The following NUP37 variants were observed in gnomAD, a reference collection of about 807,000 sequenced individuals.
NUP37 encodes the protein nucleoporin Nup37.
Under a neutral mutation model 45.4 loss-of-function variants are expected in NUP37, and 33 were observed. That is an observed-to-expected ratio of 0.73 (90% CI 0.55 to 0.97). The LOEUF (loss-of-function observed/expected upper bound fraction) is 0.97. Ranked by LOEUF, NUP37 falls within the 50% of genes least tolerant of loss-of-function variation. NUP37 has a pLI of 0.00. For synonymous variants in NUP37, 127 were observed against 130.7 expected, an observed-to-expected ratio of 0.97 and a Z score of 0.19; for missense variants, 365 against 389.7, an observed-to-expected ratio of 0.94 and a Z score of 0.53.
chr12:102,108,056 C>T (rs1880206102), intron 3 of NUP37, among the ~76,000 whole-genome samples: 1 of 152,248 alleles, frequency 6.6e-6, no homozygotes, highest in South Asian at 2.1e-4. Context: ...TATTAAGTGT[C>T]AACTTGCTTG....
At chr12:102,111,967 T>C (rs1880329388) in intron 3 of NUP37, 141 bp downstream of exon 3, 1 of 710,668 alleles carries the variant, frequency 1.4e-6, no homozygotes, top group East Asian at 2.8e-5. Flanking sequence ...AATTATTAAG[T>C]AGTAGCAAAT....
intron 3 of NUP37, among the ~76,000 whole-genome samples, chr12:102,110,946 A>G (rs1350305947): frequency 1.3e-5 from 2 of 152,248 alleles, no homozygotes; most frequent in African/African-American, 2.4e-5. Flanking sequence ...TTTTCTTAAA[A>G]TGTTAAACAT....
intron 5 of NUP37, among the ~76,000 whole-genome samples, chr12:102,097,583 T>C (rs776233028): frequency 6.6e-6 from 1 of 152,096 alleles, no homozygotes; most frequent in Non-Finnish European, 1.5e-5. Flanking sequence ...AACAAAAACA[T>C]AGACTACTGA....
At chr12:102,091,917 G>A (rs1349760072) in intron 5 of NUP37, among the ~76,000 whole-genome samples, 6 of 152,074 alleles carry the variant, frequency 3.9e-5, no homozygotes, top group Middle Eastern at 3.4e-3. Context: ...ATTTCAGGCC[G>A]AGTGCTTTTC....
chr12:102,104,894 C>T (rs913037162), intron 3 of NUP37, among the ~76,000 whole-genome samples: 3 of 152,144 alleles, frequency 2.0e-5, no homozygotes, highest in Non-Finnish European at 1.5e-5. Flanking sequence ...AGAACTTCAG[C>T]TTTCTCAAGA....
At chr12:102,115,623 C>G (rs542056218) in intron 2 of NUP37, among the ~76,000 whole-genome samples, 2 of 152,296 alleles carry the variant, frequency 1.3e-5, no homozygotes, top group East Asian at 3.9e-4. Flanking sequence ...TACACGACAC[C>G]AGTTAACAGT....
rs911783018 is a variant in NUP37 at position 102,090,236 on chromosome 12, C to CT, written c.450-4381dup. Among the ~76,000 whole-genome samples the CT allele has an allele frequency of 8.3e-3, 1,209 of 145,128 alleles. 10 individuals carry two copies. Among genetic ancestry groups the CT allele is most frequent in the African/African-American group, 0.027 (1,065 of 39,760 alleles). ...ATTTTGTAAGGTACATTTCTCAACT[C>CT]TTTTTTTTTTTGCGTTTTATTTGCA... On this transcript the variant is annotated intron_variant, in intron 5 of 9. Transcript: ENST00000552283.
chr12:102,081,575 T>A (rs1453058046), intron 6 of NUP37, among the ~76,000 whole-genome samples: 1 of 152,236 alleles, frequency 6.6e-6, no homozygotes, highest in Admixed American at 6.5e-5. Flanking sequence ...GGTTTTCTCA[T>A]CTACAAAATA....
At chr12:102,074,507 C>A in intron 9 of NUP37, 40 bp from the exon 10 acceptor site, 2 of 1,137,616 alleles carry the variant, frequency 1.8e-6, no homozygotes, top group Non-Finnish European at 2.5e-6. Context: ...ACAGTAAGTC[C>A]CCAAAATTAA....
At position 102,076,064 on chromosome 12, in the gene NUP37, T is replaced by C. The variant is rs187541878; in HGVS notation, c.773+733A>G. 5.3e-3 allele frequency among the ~76,000 whole-genome samples: 804 copies of C among 152,262 alleles called. 4 individuals carry two copies. The highest frequency in any genetic ancestry group is 8.5e-3 in the Admixed American group (130 of 15,290). On this transcript the variant is annotated intron_variant, in intron 8 of 9. Coordinates refer to ENST00000552283, the MANE Select transcript of NUP37 (RefSeq NM_024057.4). ...TGAGCTGCTCAACAAGCCCTGAGAC[T>C]ACCTCCTCTAGACTTATAAGTACCA... is the stretch of plus-strand genomic sequence containing the variant.
At chr12:102,085,704 G>T in intron 6 of NUP37, 62 bp downstream of exon 6, 1 of 736,486 alleles carries the variant, frequency 1.4e-6, no homozygotes, top group Non-Finnish European at 2.2e-6. Flanking sequence ...CTATGTATGT[G>T]ATGTCTTATA....
intron 3 of NUP37, among the ~76,000 whole-genome samples, chr12:102,106,779 A>G (rs140712736): frequency 3.9e-5 from 6 of 152,324 alleles, no homozygotes; most frequent in East Asian, 1.9e-4. Context: ...AACTGGCCCA[A>G]CTTCCCCACA....
At chr12:102,079,073 C>T in intron 6 of NUP37, 1 of 397,564 alleles carries the variant, frequency 2.5e-6, no homozygotes, top group Non-Finnish European at 5.0e-6. Context: ...AAGCAGTGTT[C>T]TTTTAATTCT....
chr12:102,094,410 T>C (rs996049476), intron 5 of NUP37, among the ~76,000 whole-genome samples: 2 of 152,098 alleles, frequency 1.3e-5, no homozygotes, highest in South Asian at 2.1e-4. Context: ...GAATGGTTCA[T>C]TGGCCTACCT....
At chr12:102,112,315 G>A in intron 2 of NUP37, 83 bp from the exon 3 acceptor site, 2 of 1,161,068 alleles carry the variant, frequency 1.7e-6, no homozygotes, top group Middle Eastern at 2.0e-4. Context: ...GAATTTATCA[G>A]GAGGTTATGC....
At position 102,077,563 on chromosome 12, in the gene NUP37, T is replaced by C. The variant is rs1879209515; in HGVS notation, c.541-60A>G. On this transcript the variant is annotated intron_variant, in intron 6 of 9. Transcript: ENST00000552283. ...CTTATCTCACTAACTATACCTGAAG[T>C]GTAAGCAGAGATTCACTGTTGTACG... 30 of 1,449,450 alleles carry C rather than the reference T, an allele frequency of 2.1e-5. No individual in the cohort carries two copies. The South Asian group carries it at 3.4e-4, about 16-fold the overall frequency. The allele number at this position is 1,449,450 out of a possible 1,614,324, so 89.8% of individuals were successfully genotyped here. A position where few individuals can be genotyped will look rare whatever the true frequency, so the allele number is the denominator to read the frequency against.
chr12:102,112,029 T>A (rs1329907652), intron 3 of NUP37, 79 bp downstream of exon 3: 14 of 1,323,356 alleles, frequency 1.1e-5, no homozygotes, highest in African/African-American at 1.5e-5. Context: ...GAGAAAAAAG[T>A]ATCTATGATC....
At chr12:102,096,716 T>A (rs1449445898) in intron 5 of NUP37, among the ~76,000 whole-genome samples, 1 of 152,302 alleles carries the variant, frequency 6.6e-6, no homozygotes. Context: ...GAATCTTACA[T>A]TATCACATAT....
At chr12:102,092,997 G>C (rs1382092940) in intron 5 of NUP37, among the ~76,000 whole-genome samples, 7 of 152,030 alleles carry the variant, frequency 4.6e-5, no homozygotes, top group African/African-American at 1.7e-4. Context: ...TAATGTACTA[G>C]CAGTACTAAT....
Sources: gnomAD v4.1 joint callset for allele counts (sites outside exome capture counted in the v4.1 genomes callset) on GRCh38, gnomAD v4.1.1 for gene constraint, MANE v1.5 for transcripts, NCBI Gene and HGNC (gene_info 2026-07-23, HGNC 2026-07-21) for gene names.